PSG5: variants seen among roughly 807,000 people sequenced by gnomAD.
The protein encoded by PSG5 is pregnancy-specific beta-1-glycoprotein 5.
Under a neutral mutation model 37.7 loss-of-function variants are expected in PSG5, and 53 were observed. The ratio of observed to expected loss-of-function variants is 1.41; its 90% CI spans 1.13 to 1.77. PSG5 has a LOEUF of 1.77. PSG5 is among the 40% of genes most tolerant of loss of function. PSG5 has a pLI of 0.00. For synonymous variants in PSG5, 221 were observed against 155.4 expected, an observed-to-expected ratio of 1.42 and a Z score of -3.14; for missense variants, 547 against 405.2, an observed-to-expected ratio of 1.35 and a Z score of -3.00.
At chr19:43,177,182 T>A in intron 2 of PSG5, among the ~76,000 whole-genome samples, 1 of 151,606 alleles carries the variant, frequency 6.6e-6, no homozygotes, top group Non-Finnish European at 1.5e-5. Flanking sequence ...GACTGCTGTT[T>A]GCCAGGAGCT....
At chr19:43,182,099 G>T (rs2122234882) in intron 2 of PSG5, among the ~76,000 whole-genome samples, 1 of 151,806 alleles carries the variant, frequency 6.6e-6, no homozygotes, top group East Asian at 1.9e-4. Flanking sequence ...GCATAGGCCA[G>T]GCTAACCTTG....
chr19:43,177,280 G>C (rs12609210), intron 2 of PSG5, among the ~76,000 whole-genome samples: 22,877 of 151,064 alleles, frequency 0.15, 2,296 homozygotes, highest in East Asian at 0.37. Context: ...TGTCGAGCTT[G>C]ATACCTATAG....
Position 43,185,797 on chromosome 19 carries a change from T to A in PSG5, c.64+545A>T, listed in dbSNP as rs1418231937. Among the ~76,000 whole-genome samples the A allele has an allele frequency of 2.0e-5, 3 of 150,222 alleles. No homozygotes were observed. In the East Asian group the frequency reaches 5.9e-4, roughly 29 times the overall value. ...AGGACAGTGTTTCATGTCCTGCTTATACTTTTATTAGAAGTGTCATCTGAT... is the reference window on the plus strand; with the variant it reads ...AGGACAGTGTTTCATGTCCTGCTTAAACTTTTATTAGAAGTGTCATCTGAT... On this transcript the variant is annotated intron_variant, in intron 1 of 5. Transcript: ENST00000342951.
chr19:43,175,529 T>C lies in PSG5; in HGVS notation c.710-60A>G, dbSNP rs1398741939. On this transcript the variant is annotated intron_variant, in intron 3 of 5. Coordinates refer to ENST00000342951, the MANE Select transcript of PSG5 (RefSeq NM_002781.4). ...ATCCAAGGGAAGGGGATGCTCCTGG[T>C]CTCTTAAAGGGACACAGTGACCCTC... The C allele has an allele frequency of 1.9e-6, 3 of 1,555,822 alleles. No homozygotes were observed. The African/African-American group carries it at 4.1e-5, about 21-fold the overall frequency.
rs1027876068 is a variant in PSG5, at chr19:43,173,078, T to C, written c.964+2137A>G. ...GCCCAGAAAGAAATGCTTGCATATA[T>C]GGCCAAATGATTTTCATGGAGTGTT... On this transcript the variant is annotated intron_variant, in intron 4 of 5. Coordinates refer to ENST00000342951, the MANE Select transcript of PSG5 (RefSeq NM_002781.4). Among the ~76,000 whole-genome samples the C allele has an allele frequency of 2.6e-5, 4 of 151,646 alleles. 1 individual carries two copies. The highest frequency in any genetic ancestry group is 4.9e-5 in the African/African-American group (2 of 41,186).
chr19:43,174,460 C>A, intron 4 of PSG5: 1 of 781,038 alleles, frequency 1.3e-6, no homozygotes, highest in Non-Finnish European at 1.6e-6. Flanking sequence ...ATTTCTCCAG[C>A]TCTGCATCAG....
At chr19:43,178,264 T>C (rs4028454) in intron 2 of PSG5, among the ~76,000 whole-genome samples, 9 of 151,762 alleles carry the variant, frequency 5.9e-5, no homozygotes, top group South Asian at 2.1e-4. Flanking sequence ...ATTTGTTCCA[T>C]CAGTGGCTGA....
rs545021784 is a variant in PSG5 at position 43,176,363 on chromosome 19, C to G, written c.431-215G>C. Reference sequence around the variant, plus strand: ...TGTTTTAGGGAAGCACAGACTTTCTCAAGTGTCAATTGAGCAGCAGTGTTG... The same window carrying G: ...TGTTTTAGGGAAGCACAGACTTTCTGAAGTGTCAATTGAGCAGCAGTGTTG... On this transcript the variant is annotated intron_variant, in intron 2 of 5. Transcript: ENST00000342951. 1.0e-3 allele frequency among the ~76,000 whole-genome samples: 152 copies of G among 151,714 alleles called. 4 individuals carry two copies. Among genetic ancestry groups the G allele is most frequent in the African/African-American group, 2.0e-3 (83 of 41,242 alleles).
Position 43,175,262 on chromosome 19 carries a change from G to A in PSG5, c.917C>T (p.Ser306Leu), listed in dbSNP as rs776274080. The change falls in exon 4 of 6, where the codon TCA becomes TTA. Residue 306 changes from serine (S) to leucine (L), a missense_variant. Coordinates refer to ENST00000342951, the MANE Select transcript of PSG5 (RefSeq NM_002781.4). The stretch of plus-strand genomic sequence containing the variant: ...TTTGGAGCTTTCCTTGCCAGTAGCT[G>A]AGTTACGAACAGAGCAAGTATAGAG... ...RGLYTCSVRN[S>L]ATGKESSKSM... 3.0e-5 allele frequency: 49 copies of A among 1,612,650 alleles called. No individual in the cohort carries two copies. The highest frequency in any genetic ancestry group is 3.3e-4 in the Middle Eastern group (2 of 6,072).
At chr19:43,184,633 G>C (rs1969202994) in intron 2 of PSG5, 149 bp downstream of exon 2, 2 of 1,459,682 alleles carry the variant, frequency 1.4e-6, no homozygotes, top group African/African-American at 1.4e-5. Flanking sequence ...TGTCTCCTCT[G>C]TGTGTGTCCT....
At chr19:43,171,812 T>A (rs1968910803) in intron 4 of PSG5, among the ~76,000 whole-genome samples, 1 of 150,764 alleles carries the variant, frequency 6.6e-6, no homozygotes, top group Non-Finnish European at 1.5e-5. Flanking sequence ...TACAAAAATA[T>A]AAAAAACCAA....
chr19:43,173,825 A>G (rs1360075636), intron 4 of PSG5, among the ~76,000 whole-genome samples: 4 of 151,696 alleles, frequency 2.6e-5, no homozygotes, highest in East Asian at 1.9e-4. Context: ...TCAAAAAATT[A>G]AACAATAACT....
chr19:43,174,699 A>C (rs1259047931), intron 4 of PSG5: 6 of 993,572 alleles, frequency 6.0e-6, no homozygotes, highest in Non-Finnish European at 7.3e-6. Context: ...CCCCAGGTTG[A>C]GTGAGGCAGG....
At chr19:43,169,702 A>G (rs1192010289) in intron 5 of PSG5, among the ~76,000 whole-genome samples, 2 of 151,690 alleles carry the variant, frequency 1.3e-5, no homozygotes, top group Non-Finnish European at 2.9e-5. Context: ...TGGCCACAAG[A>G]AGTCAAGCAA....
intron 2 of PSG5, among the ~76,000 whole-genome samples, chr19:43,177,064 G>T (rs1969026726): frequency 6.6e-6 from 1 of 151,666 alleles, no homozygotes; most frequent in Non-Finnish European, 1.5e-5. Context: ...AATTTGAAGA[G>T]AAGTTTTGGG....
In PSG5 at chr19:43,175,979, C is replaced by A; in HGVS notation, c.600G>T (p.Arg200Ser). 3 of 1,611,774 alleles carry A rather than the reference C, an allele frequency of 1.9e-6. No individual in the cohort carries two copies. The highest frequency in any genetic ancestry group is 2.5e-6 in the Non-Finnish European group (3 of 1,179,190). Residue 200 changes from arginine (R) to serine (S), a missense_variant, in exon 3 of 6, where the codon AGG (arginine) becomes AGT (serine). Transcript: ENST00000342951. ...TCGTGACACTGGGTAGAATGAGGAT[C>A]CTGTTTTCAATGGGTCGCTTTACCC... is the stretch of plus-strand genomic sequence containing the variant. ...SPRVKRPIEN[R>S]ILILPSVTRN...
rs1317419402 is a variant in PSG5 at position 43,177,588 on chromosome 19, T to G, written c.431-1440A>C. On this transcript the variant is annotated intron_variant, in intron 2 of 5. Coordinates refer to ENST00000342951, the MANE Select transcript of PSG5 (RefSeq NM_002781.4). ...CCACACTGGCCATTCTGCACTCATA[T>G]ATTTTTGAAGGCTTTTGGATGTGAG... Among the ~76,000 whole-genome samples the G allele has an allele frequency of 9.9e-5, 15 of 151,434 alleles. 1 individual carries two copies. Among genetic ancestry groups the G allele is most frequent in the Admixed American group, 9.9e-4 (15 of 15,154 alleles).
chr19:43,180,183 T>C (rs542148146), intron 2 of PSG5, among the ~76,000 whole-genome samples: 6 of 151,482 alleles, frequency 4.0e-5, no homozygotes, highest in Non-Finnish European at 8.8e-5. Flanking sequence ...AGTAGAATAG[T>C]AGTTTGCAGG....
At chr19:43,182,256 G>C (rs1348484953) in intron 2 of PSG5, among the ~76,000 whole-genome samples, 8 of 151,750 alleles carry the variant, frequency 5.3e-5, no homozygotes, top group Non-Finnish European at 8.8e-5. Context: ...ACTGAATTCT[G>C]CTAAAATGTT....
Sources: allele counts gnomAD v4.1 joint callset (sites outside exome capture counted in the v4.1 genomes callset), GRCh38; gene constraint gnomAD v4.1.1; transcripts MANE v1.5; gene names NCBI Gene and HGNC (gene_info 2026-07-23, HGNC 2026-07-21).